The following ENTPD7 variants were observed in gnomAD, a reference collection of about 807,000 sequenced individuals.
The protein encoded by ENTPD7 is NTPDase 7.
Under a neutral mutation model 77.9 loss-of-function variants are expected in ENTPD7, and 53 were observed. That is an observed-to-expected ratio of 0.68 (90% CI 0.55 to 0.85). The LOEUF (loss-of-function observed/expected upper bound fraction) is 0.85, where lower values mean the gene tolerates loss of function less well. ENTPD7 is among the 40% of genes least tolerant of loss of function. The pLI is 0.00. For synonymous variants in ENTPD7, 248 were observed against 274.9 expected (o/e 0.90, Z 0.97); for missense variants, 636 against 743.7 (o/e 0.86, Z 1.68).
intron 6 of ENTPD7, among the ~76,000 whole-genome samples, chr10:99,687,408 G>C (rs1277142731): frequency 6.6e-6 from 1 of 151,366 alleles, no homozygotes; most frequent in African/African-American, 2.4e-5. Context: ...TGGGACTATA[G>C]GCGTGTGCCA....
intron 2 of ENTPD7, 64 bp downstream of exon 2, chr10:99,660,028 C>G (rs41290506): frequency 0.015 from 24,648 of 1,611,714 alleles, 240 homozygotes; most frequent in Non-Finnish European, 0.017. Flanking sequence ...GGTTGGGGGG[C>G]CCTGGGAGGC....
intron 2 of ENTPD7, chr10:99,660,319 G>C (rs1590033044): frequency 8.3e-7 from 1 of 1,199,344 alleles, no homozygotes; most frequent in South Asian, 1.8e-5. Flanking sequence ...AAAGCAGACA[G>C]ACCGAGGTCC....
chr10:99,696,158 AATGTC>A, intron 9 of ENTPD7, 36 bp downstream of exon 9: 1 of 1,606,212 alleles, frequency 6.2e-7, no homozygotes, highest in Non-Finnish European at 8.5e-7. Context: ...TCTGAAATAT[AATGTC>A]AGGCTGCAGA....
Position 99,661,359 on chromosome 10 carries a change from TAGG to T in ENTPD7, c.9-83_9-81del, listed in dbSNP as rs149914254. On this transcript the variant is annotated intron_variant, in intron 2 of 12. Transcript: ENST00000370489. Reference sequence around the variant, plus strand: ...TGTTGGCATGGATTTTTGCCTTTATTAGGAGGGTTTTATCCAATTTTAAAACGA... The same window carrying T: ...TGTTGGCATGGATTTTTGCCTTTATTAGGGTTTTATCCAATTTTAAAACGA... 192 of 1,224,708 alleles carry T rather than the reference TAGG, an allele frequency of 1.6e-4. No homozygotes were observed. The African/African-American group carries it at 2.8e-3, about 18-fold the overall frequency. 75.9% of individuals were successfully genotyped at this position (1,224,708 alleles called of 1,614,324 possible).
chr10:99,704,895 G>A lies in ENTPD7; in HGVS notation c.*212G>A. ...TTAATCTGTGAGGAACTAAATGACA[G>A]GAGATTGGTGCTAATACGGGGGACC... On this transcript the variant is annotated 3_prime_UTR_variant, in exon 13 of 13. Transcript: ENST00000370489. 1 of 587,880 alleles carries A rather than the reference G, an allele frequency of 1.7e-6. No individual in the cohort carries two copies. The allele number at this position is 587,880 out of a possible 1,614,324, so 36.4% of individuals were successfully genotyped here.
At chr10:99,698,886 A>G (rs1355432136) in intron 10 of ENTPD7, 28 bp downstream of exon 10, 1 of 1,557,016 alleles carries the variant, frequency 6.4e-7, no homozygotes, top group Admixed American at 1.9e-5. Context: ...AACATGGCTT[A>G]TGCTGGCAGC....
At chr10:99,664,223 C>A (rs1004256177) in intron 3 of ENTPD7, among the ~76,000 whole-genome samples, 3 of 151,938 alleles carry the variant, frequency 2.0e-5, no homozygotes, top group African/African-American at 7.3e-5. Flanking sequence ...TAAATAATGG[C>A]ATGTTATGTT....
Position 99,710,463 on chromosome 10 carries a change from C to A in ENTPD7, c.*5780C>A. The A allele has an allele frequency of 3.0e-6, 3 of 984,512 alleles. No homozygotes were observed. Among genetic ancestry groups the A allele is most frequent in the South Asian group, 4.7e-5 (1 of 21,286 alleles). 61.0% of individuals were successfully genotyped at this position (984,512 alleles called of 1,614,324 possible). ...TTATTATGATCTACACTTTAAAAAA[C>A]CAAAGGCTGCCTGTATTACATTGCT... On this transcript the variant is annotated 3_prime_UTR_variant, in exon 13 of 13. Transcript: ENST00000370489.
chr10:99,709,653 G>A lies in ENTPD7; in HGVS notation c.*4970G>A. The A allele has an allele frequency of 1.0e-6, 1 of 985,404 alleles. No homozygotes were observed. The highest frequency in any genetic ancestry group is 1.2e-6 in the Non-Finnish European group (1 of 829,928). 61.0% of individuals were successfully genotyped at this position (985,404 alleles called of 1,614,324 possible). A position where few individuals can be genotyped will look rare whatever the true frequency, so the allele number is the denominator to read the frequency against. ...TAACCTGGATCTAAGTTGGAAAGCT[G>A]TGGCACCCTGTTTGGGTGTCCCATC... On this transcript the variant is annotated 3_prime_UTR_variant, in exon 13 of 13. Coordinates refer to ENST00000370489, the MANE Select transcript of ENTPD7 (RefSeq NM_020354.5).
intron 8 of ENTPD7, among the ~76,000 whole-genome samples, chr10:99,693,539 T>G (rs557592896): frequency 3.3e-5 from 5 of 152,186 alleles, no homozygotes; most frequent in Non-Finnish European, 7.3e-5. Flanking sequence ...GAAATGACTT[T>G]TGTGTGTGTG....
chr10:99,677,295 T>G lies in ENTPD7; in HGVS notation c.192-1966T>G, dbSNP rs574999360. ...CAAAAGCTGGTTCTGAGGGGTTCTG[T>G]GTAAGAGCCTTGGAGATCTAGGAGT... On this transcript the variant is annotated intron_variant, in intron 3 of 12. Coordinates refer to ENST00000370489, the MANE Select transcript of ENTPD7 (RefSeq NM_020354.5). Among the ~76,000 whole-genome samples the G allele has an allele frequency of 3.3e-5, 5 of 151,724 alleles. No homozygotes were observed. The South Asian group carries it at 1.0e-3, about 32-fold the overall frequency.
At chr10:99,687,709 T>A (rs1021388418) in intron 6 of ENTPD7, among the ~76,000 whole-genome samples, 2 of 152,198 alleles carry the variant, frequency 1.3e-5, no homozygotes, top group African/African-American at 4.8e-5. Flanking sequence ...GTCAGATCCA[T>A]GTATTTGTAG....
Position 99,695,990 on chromosome 10 carries a change from A to G in ENTPD7, c.878A>G (p.Asn293Ser). The G allele has an allele frequency of 6.2e-7, 1 of 1,613,950 alleles. No individual in the cohort carries two copies. Among genetic ancestry groups the G allele is most frequent in the Non-Finnish European group, 8.5e-7 (1 of 1,179,920 alleles). The change falls in exon 9 of 13, where the codon AAC (asparagine) becomes AGC (serine). Residue 293 changes from asparagine to serine, a missense_variant. Physicochemically the swap from Asn to Ser is conservative, Grantham distance 46 (BLOSUM62 1). Around this residue, in one of 3 missense-constraint regions of ENTPD7, gnomAD observed 486 missense variants for 556.5 expected, o/e 0.87. Transcript: ENST00000370489. ...GCCAAGATCCTGCTGGCTGAGTTCA[A>G]CCTGGGCTGTGATGTGCAACACACT... ...EAAKILLAEF[N>S]LGCDVQHTEH...
intron 3 of ENTPD7, among the ~76,000 whole-genome samples, chr10:99,663,753 G>A (rs1483475760): frequency 6.6e-6 from 1 of 152,044 alleles, no homozygotes; most frequent in Non-Finnish European, 1.5e-5. Flanking sequence ...GGGTCACCGT[G>A]CCCTGCTTAC....
chr10:99,681,758 G>C (rs575892280), intron 5 of ENTPD7, among the ~76,000 whole-genome samples: 24 of 152,214 alleles, frequency 1.6e-4, no homozygotes, highest in African/African-American at 5.5e-4. Flanking sequence ...ATGTCATCGG[G>C]GTTTTGATTT....
intron 8 of ENTPD7, among the ~76,000 whole-genome samples, chr10:99,692,873 ATG>A (rs2035906294): frequency 3.9e-5 from 2 of 50,736 alleles, no homozygotes; most frequent in Non-Finnish European, 9.7e-5. Context: ...GAATTTTGTG[ATG>A]ATGTCAGTTG....
chr10:99,663,195 C>A (rs926970132), intron 3 of ENTPD7, among the ~76,000 whole-genome samples: 1 of 152,110 alleles, frequency 6.6e-6, no homozygotes, highest in Non-Finnish European at 1.5e-5. Flanking sequence ...CTGAAAAAGT[C>A]CCTATTTTGC....
In ENTPD7 at chr10:99,679,310, A is replaced by T. The variant is rs2035722239; in HGVS notation, c.241A>T (p.Asn81Tyr). 1 of 1,613,964 alleles carries T rather than the reference A, an allele frequency of 6.2e-7. No individual in the cohort carries two copies. The highest frequency in any genetic ancestry group is 1.3e-5 in the African/African-American group (1 of 74,882). Residue 81 changes from asparagine (N) to tyrosine (Y), a missense_variant, in exon 4 of 13, where the codon AAT becomes TAT. Around this residue, in one of 3 missense-constraint regions of ENTPD7, gnomAD observed 486 missense variants for 556.5 expected, o/e 0.87. Coordinates refer to ENST00000370489, the MANE Select transcript of ENTPD7 (RefSeq NM_020354.5). The stretch of plus-strand genomic sequence containing the variant: ...TGAAGCTACTGACACTGAAGACCCA[A>T]ATCTGAATTATGGACTTGTTGTTGA... ...ELEATDTEDPNLNYGLVVDCG... is the reference protein window; with the variant it reads ...ELEATDTEDPYLNYGLVVDCG...
At chr10:99,681,530 G>A (rs1168775896) in intron 5 of ENTPD7, among the ~76,000 whole-genome samples, 1 of 152,058 alleles carries the variant, frequency 6.6e-6, no homozygotes, top group Admixed American at 6.6e-5. Flanking sequence ...CAGTCTGCAC[G>A]TCTTGGCCTC....
Sources: allele counts gnomAD v4.1 joint callset (sites outside exome capture counted in the v4.1 genomes callset), GRCh38; gene constraint gnomAD v4.1.1; regional missense constraint gnomAD v4.1.1; transcripts MANE v1.5; gene names NCBI Gene and HGNC (gene_info 2026-07-23, HGNC 2026-07-21).